MGAM2: variants seen among roughly 807,000 people sequenced by gnomAD.
MGAM2 encodes probable maltase-glucoamylase 2.
A neutral mutation model predicts 96.1 loss-of-function variants in MGAM2; 98 were observed. The observed-to-expected ratio is 1.02, with a 90% CI of 0.87 to 1.21. The LOEUF is 1.21. MGAM2 is among the 50% of genes most tolerant of loss of function. The probability of loss-of-function intolerance (pLI) is 0.00; values close to 1 mark genes in which losing one functional copy is unlikely to be tolerated. For synonymous variants in MGAM2, 749 were observed against 414.8 expected, an observed-to-expected ratio of 1.81 and a Z score of -9.79; for missense variants, 2,055 against 1,182.4, an observed-to-expected ratio of 1.74 and a Z score of -10.82.
In MGAM2 at chr7:142,186,025, C is replaced by T. The variant is rs373613400; in HGVS notation, c.4024C>T (p.Arg1342Cys). The T allele has an allele frequency of 1.1e-4, 78 of 703,918 alleles. No individual in the cohort carries two copies. Among genetic ancestry groups the T allele is most frequent in the African/African-American group, 3.8e-4 (22 of 57,222 alleles). The allele number at this position is 703,918 out of a possible 1,614,324, so 43.6% of individuals were successfully genotyped here. Reference sequence around the variant, plus strand: ...CTACGTTGCCTTTCCTGACTTCTTTCGTAATAGCACAGCTGCGTGGTGGAA... The same window carrying T: ...CTACGTTGCCTTTCCTGACTTCTTTTGTAATAGCACAGCTGCGTGGTGGAA... ...RAYVAFPDFF[R>C]NSTAAWWKKE... is the part of the protein sequence containing the mutation. The change falls in exon 35 of 48, where the codon CGT (arginine) becomes TGT (cysteine). Residue 1342 changes from arginine to cysteine, a missense_variant. By Grantham distance (180) the Arg-to-Cys change is radical. Coordinates refer to ENST00000477922, the MANE Select transcript of MGAM2 (RefSeq NM_001293626.2).
chr7:142,120,060 T>C (rs1358051452), intron 2 of MGAM2, among the ~76,000 whole-genome samples: 1 of 152,228 alleles, frequency 6.6e-6, no homozygotes, highest in Non-Finnish European at 1.5e-5. Flanking sequence ...ATAAATTGTA[T>C]CTGTTTAAAA....
At chr7:142,156,367 C>T (rs1326644493) in intron 17 of MGAM2, among the ~76,000 whole-genome samples, 3 of 152,130 alleles carry the variant, frequency 2.0e-5, no homozygotes, top group Non-Finnish European at 4.4e-5. Context: ...ACACTTGTAG[C>T]ATATCGCAAT....
At chr7:142,183,438 C>T (rs1268818638) in intron 33 of MGAM2, 65 bp downstream of exon 33, 5 of 678,886 alleles carry the variant, frequency 7.4e-6, no homozygotes, top group Admixed American at 2.2e-5. Context: ...AAACAGCTCT[C>T]AATACACATT....
Position 142,199,860 on chromosome 7 carries a change from CT to C in MGAM2, c.5049-6del, listed in dbSNP as rs370452030. 21,083 of 576,012 alleles carry C rather than the reference CT, an allele frequency of 0.037. No homozygotes were observed. The highest frequency in any genetic ancestry group is 0.073 in the South Asian group (3,576 of 49,116). The allele number at this position is 576,012 out of a possible 1,614,324, so 35.7% of individuals were successfully genotyped here. A position where few individuals can be genotyped will look rare whatever the true frequency, so the allele number is the denominator to read the frequency against. On this transcript the variant is annotated intron_variant, in intron 44 of 47. Transcript: ENST00000477922. ...ACCTACAATCTAGAGAAAAATAACTCTTTTTTTTTTTTTTGGTAGTCGACAA... is the reference window on the plus strand; with the variant it reads ...ACCTACAATCTAGAGAAAAATAACTCTTTTTTTTTTTTTGGTAGTCGACAA...
intron 6 of MGAM2, among the ~76,000 whole-genome samples, chr7:142,133,467 A>G (rs897403817): frequency 3.0e-4 from 45 of 151,968 alleles, no homozygotes; most frequent in African/African-American, 1.1e-3. Context: ...TTTTACTATC[A>G]AGCAGTGACC....
At chr7:142,194,057 G>A (rs1329810562) in intron 37 of MGAM2, among the ~76,000 whole-genome samples, 1 of 148,936 alleles carries the variant, frequency 6.7e-6, no homozygotes, top group Admixed American at 6.7e-5. Context: ...TTTTAAGATG[G>A]AGTCTCGCTC....
At chr7:142,129,572 C>G (rs977877337) in intron 3 of MGAM2, among the ~76,000 whole-genome samples, 1 of 151,714 alleles carries the variant, frequency 6.6e-6, no homozygotes, top group African/African-American at 2.4e-5. Context: ...TGCCTGTAAT[C>G]CCAGCACTTT....
chr7:142,134,648 C>T (rs938374952), intron 7 of MGAM2, among the ~76,000 whole-genome samples: 1 of 151,884 alleles, frequency 6.6e-6, no homozygotes, highest in Non-Finnish European at 1.5e-5. Flanking sequence ...AGGCCATAGC[C>T]CAGACCCACT....
At chr7:142,141,680 A>G (rs1449135308) in intron 12 of MGAM2, among the ~76,000 whole-genome samples, 1 of 151,876 alleles carries the variant, frequency 6.6e-6, no homozygotes, top group Non-Finnish European at 1.5e-5. Flanking sequence ...TTGTATTTTT[A>G]GTAGAGACGG....
rs547732224 is a variant in MGAM2, at chr7:142,158,399, A to G, written c.2163+67A>G. The stretch of plus-strand genomic sequence containing the variant: ...GTCCTCATGGTTCTATAGCTGGATA[A>G]GTTGGTTCCTATCTATGACTGCATT... On this transcript the variant is annotated intron_variant, in intron 19 of 47. Coordinates refer to ENST00000477922, the MANE Select transcript of MGAM2 (RefSeq NM_001293626.2). 2.3e-4 allele frequency: 158 copies of G among 692,096 alleles called. 2 individuals carry two copies. The South Asian group carries it at 2.3e-3, about 10-fold the overall frequency. 42.9% of individuals were successfully genotyped at this position (692,096 alleles called of 1,614,324 possible). A position where few individuals can be genotyped will look rare whatever the true frequency, so the allele number is the denominator to read the frequency against.
intron 3 of MGAM2, among the ~76,000 whole-genome samples, chr7:142,122,371 GTTA>G (rs1794602939): frequency 6.6e-6 from 1 of 152,310 alleles, no homozygotes; most frequent in Non-Finnish European, 1.5e-5. Flanking sequence ...ACAAAGAGTT[GTTA>G]TTAATACATT....
chr7:142,118,216 T>G (rs930412494), intron 2 of MGAM2, among the ~76,000 whole-genome samples: 9 of 152,324 alleles, frequency 5.9e-5, no homozygotes, highest in South Asian at 2.1e-4. Flanking sequence ...TCTTTGCTTC[T>G]GTGAATTTGA....
chr7:142,159,253 A>G (rs1476835807), intron 19 of MGAM2, 34 bp from the exon 20 acceptor site: 2 of 700,734 alleles, frequency 2.9e-6, no homozygotes, highest in Non-Finnish European at 5.2e-6. Flanking sequence ...AGAGAGGGGT[A>G]TGCTAATGCT....
intron 36 of MGAM2, among the ~76,000 whole-genome samples, chr7:142,188,109 A>AACAC (rs60052742): frequency 0.062 from 8,929 of 143,518 alleles, 311 homozygotes; most frequent in African/African-American, 0.074. Context: ...TAAACCCTTA[A>AACAC]ACACACACAC....
chr7:142,197,433 G>C lies in MGAM2; in HGVS notation c.4666G>C (p.Glu1556Gln), dbSNP rs1475314662. 1 of 702,946 alleles carries C rather than the reference G, an allele frequency of 1.4e-6. No individual in the cohort carries two copies. The highest frequency in any genetic ancestry group is 2.6e-6 in the Non-Finnish European group (1 of 385,000). The allele number at this position is 702,946 out of a possible 1,614,324, so 43.5% of individuals were successfully genotyped here. A position where few individuals can be genotyped will look rare whatever the true frequency, so the allele number is the denominator to read the frequency against. Residue 1556 changes from glutamate to glutamine, a missense_variant, in exon 41 of 48, where the codon GAG (glutamate) becomes CAG (glutamine). Physicochemically the swap from Glu to Gln is conservative, Grantham distance 29. Transcript: ENST00000477922. Reference protein sequence around the residue: ...QDPVAWNSTFEMLSRKVLETR... With the variant: ...QDPVAWNSTFQMLSRKVLETR... Reference sequence around the variant, plus strand: ...TCCTGTGGCCTGGAATTCAACCTTTGAGATGTTGTCCAGAAAAGTCCTAGA... The same window carrying C: ...TCCTGTGGCCTGGAATTCAACCTTTCAGATGTTGTCCAGAAAAGTCCTAGA...
intron 44 of MGAM2, among the ~76,000 whole-genome samples, chr7:142,199,643 T>C (rs946870118): frequency 6.6e-6 from 1 of 152,238 alleles, no homozygotes; most frequent in African/African-American, 2.4e-5. Flanking sequence ...ATTACTTGTA[T>C]GTATATTTGA....
At chr7:142,188,151 C>CACACACACAT in intron 36 of MGAM2, among the ~76,000 whole-genome samples, 1 of 145,808 alleles carries the variant, frequency 6.9e-6, no homozygotes, top group African/African-American at 2.5e-5. Context: ...CACACACACA[C>CACACACACAT]GTGGAGAGAT....
intron 47 of MGAM2, among the ~76,000 whole-genome samples, chr7:142,219,132 C>G (rs534244463): frequency 1.2e-4 from 18 of 152,064 alleles, no homozygotes; most frequent in Admixed American, 1.1e-3. Flanking sequence ...CAATAGTTAC[C>G]AAAGGCAACC....
chr7:142,208,484 G>A (rs1404578337), intron 45 of MGAM2, 89 bp from the exon 46 acceptor site: 7 of 685,892 alleles, frequency 1.0e-5, no homozygotes, highest in Middle Eastern at 2.3e-4. Context: ...TGACCCCATT[G>A]AGAGTGTGGT....
Sources: gnomAD v4.1 joint callset for allele counts (sites outside exome capture counted in the v4.1 genomes callset) on GRCh38, gnomAD v4.1.1 for gene constraint, MANE v1.5 for transcripts, NCBI Gene and HGNC (gene_info 2026-07-23, HGNC 2026-07-21) for gene names.